The following DAB1 variants were observed in gnomAD, a reference collection of about 807,000 sequenced individuals.
DAB1 encodes the protein disabled homolog 1.
A neutral mutation model predicts 64.6 loss-of-function variants in DAB1; 15 were observed. The ratio of observed to expected loss-of-function variants is 0.23; its 90% CI spans 0.16 to 0.36. The LOEUF is 0.36. Among genes scored for constraint, DAB1 ranks in the 10% least tolerant of loss-of-function variants. The probability of loss-of-function intolerance (pLI) is 1.00; values close to 1 mark genes in which losing one functional copy is unlikely to be tolerated. For missense variants in DAB1, 596 were observed against 706.7 expected (o/e 0.84, Z 1.78); for synonymous variants, 235 against 251.9 (o/e 0.93, Z 0.64).
At chr1:57,877,324 G>C (rs1644062778) in intron 1 of DAB1, among the ~76,000 whole-genome samples, 1 of 152,046 alleles carries the variant, frequency 6.6e-6, no homozygotes, top group Non-Finnish European at 1.5e-5. Flanking sequence ...GGAAATTGTT[G>C]TGGGCGCCCT....
At chr1:57,323,773 G>C (rs2100773119) in intron 1 of DAB1, among the ~76,000 whole-genome samples, 1 of 152,138 alleles carries the variant, frequency 6.6e-6, no homozygotes, top group South Asian at 2.1e-4. Flanking sequence ...CTCCGGTAAG[G>C]AGTTAAAGTT....
intron 3 of DAB1, among the ~76,000 whole-genome samples, chr1:58,383,028 A>G (rs1644403287): frequency 1.3e-5 from 2 of 152,242 alleles, no homozygotes; most frequent in African/African-American, 4.8e-5. Flanking sequence ...CACCCAGCGC[A>G]CAAGGGACAC....
intron 7 of DAB1, among the ~76,000 whole-genome samples, chr1:57,543,687 G>C (rs1350079250): frequency 1.3e-5 from 2 of 152,160 alleles, no homozygotes; most frequent in African/African-American, 4.8e-5. Flanking sequence ...CCTGGGCCAA[G>C]CAGAAAAGGA....
chr1:58,304,045 G>A (rs545870460), intron 4 of DAB1, among the ~76,000 whole-genome samples: 1 of 152,118 alleles, frequency 6.6e-6, no homozygotes, highest in East Asian at 1.9e-4. Context: ...CTTGCAAATA[G>A]ACTTGCCCAG....
chr1:57,478,489 T>C (rs1643967361), intron 7 of DAB1, among the ~76,000 whole-genome samples: 1 of 152,084 alleles, frequency 6.6e-6, no homozygotes, highest in Non-Finnish European at 1.5e-5. Context: ...AACATTTTAA[T>C]GAGTGCCTAC....
chr1:58,427,411 A>T (rs774552480), intron 3 of DAB1, among the ~76,000 whole-genome samples: 1 of 152,174 alleles, frequency 6.6e-6, no homozygotes, highest in Non-Finnish European at 1.5e-5. Context: ...CAGCACCACC[A>T]AGGCTGTTTA....
intron 7 of DAB1, among the ~76,000 whole-genome samples, chr1:57,433,649 G>C (rs1422595352): frequency 6.6e-6 from 1 of 151,960 alleles, no homozygotes; most frequent in Non-Finnish European, 1.5e-5. Flanking sequence ...AGAAAATGCT[G>C]AATTGAACTT....
chr1:57,082,755 A>G (rs1232654522), intron 4 of DAB1, among the ~76,000 whole-genome samples: 1 of 151,852 alleles, frequency 6.6e-6, no homozygotes, highest in African/African-American at 2.4e-5. Context: ...TTCAGCTCCC[A>G]CTTATAAGTG....
chr1:57,808,821 C>G (rs1156414265), intron 6 of DAB1, among the ~76,000 whole-genome samples: 1 of 152,166 alleles, frequency 6.6e-6, no homozygotes, highest in Non-Finnish European at 1.5e-5. Context: ...ATCACTTATG[C>G]CTCATCATAT....
chr1:58,005,766 G>A (rs370273557), intron 5 of DAB1, among the ~76,000 whole-genome samples: 122 of 152,128 alleles, frequency 8.0e-4, no homozygotes, highest in African/African-American at 2.8e-3. Context: ...TAGTGATGAT[G>A]ACAATAGCTC....
intron 5 of DAB1, among the ~76,000 whole-genome samples, chr1:57,893,806 G>C (rs961213742): frequency 6.6e-6 from 1 of 152,116 alleles, no homozygotes; most frequent in African/African-American, 2.4e-5. Flanking sequence ...CAGTGCCAGG[G>C]AAAGGCAGGC....
chr1:57,158,866 C>T (rs1569651668), intron 2 of DAB1, among the ~76,000 whole-genome samples: 2 of 152,198 alleles, frequency 1.3e-5, no homozygotes, highest in East Asian at 3.8e-4. Context: ...GACTCATGCA[C>T]ACATTTTCTT....
intron 6 of DAB1, among the ~76,000 whole-genome samples, chr1:57,780,885 C>A (rs1161783965): frequency 6.6e-6 from 1 of 151,300 alleles, no homozygotes; most frequent in Non-Finnish European, 1.5e-5. Context: ...CTCCACCATG[C>A]CCAGCTAATT....
chr1:57,574,442 T>A (rs868009690), intron 7 of DAB1, among the ~76,000 whole-genome samples: 1 of 152,336 alleles, frequency 6.6e-6, no homozygotes, highest in Middle Eastern at 3.4e-3. Context: ...GCTGTTCATA[T>A]ATCATCTCTC....
chr1:58,470,263 T>G (rs777222606), intron 3 of DAB1, among the ~76,000 whole-genome samples: 9 of 152,080 alleles, frequency 5.9e-5, no homozygotes, highest in African/African-American at 2.4e-5. Context: ...AACCTCTGCC[T>G]CACAGGTTCA....
chr1:58,299,320 C>T (rs1185106743), intron 4 of DAB1, among the ~76,000 whole-genome samples: 5 of 152,172 alleles, frequency 3.3e-5, no homozygotes, highest in East Asian at 1.9e-4. Flanking sequence ...CAGTCCTAAG[C>T]GAGGAGGTAT....
chr1:58,417,612 T>C (rs1557754135), intron 3 of DAB1, among the ~76,000 whole-genome samples: 1 of 152,208 alleles, frequency 6.6e-6, no homozygotes, highest in East Asian at 1.9e-4. Flanking sequence ...TGCCAGTCTA[T>C]AGGTTGCCTC....
intron 2 of DAB1, among the ~76,000 whole-genome samples, chr1:58,515,492 C>T (rs1646145816): frequency 6.6e-6 from 1 of 152,102 alleles, no homozygotes. Flanking sequence ...TAAGACTCAA[C>T]AGCTGAAATC....
At chr1:58,278,004 T>C (rs1445722756) in intron 4 of DAB1, among the ~76,000 whole-genome samples, 1 of 152,234 alleles carries the variant, frequency 6.6e-6, no homozygotes, top group Non-Finnish European at 1.5e-5. Flanking sequence ...CATTTGCTTA[T>C]GCTCTTTACC....
Sources: gnomAD v4.1 joint callset for allele counts (sites outside exome capture counted in the v4.1 genomes callset) on GRCh38, gnomAD v4.1.1 for gene constraint, MANE v1.5 for transcripts, NCBI Gene and HGNC (gene_info 2026-07-23, HGNC 2026-07-21) for gene names.